IKBKB: variants seen among roughly 807,000 people sequenced by gnomAD.
IKBKB encodes inhibitor of nuclear factor kappa-B kinase subunit beta.
In IKBKB, 42 loss-of-function variants were observed where a neutral mutation model predicts 113.6. The observed-to-expected ratio is 0.37, with a 90% CI of 0.29 to 0.48. IKBKB has a LOEUF of 0.48. Among genes scored for constraint, IKBKB ranks in the 20% least tolerant of loss-of-function variants. The probability of loss-of-function intolerance (pLI) is 0.99; values close to 1 mark genes in which losing one functional copy is unlikely to be tolerated. For missense variants in IKBKB, 673 were observed against 939.7 expected, an observed-to-expected ratio of 0.72 and a Z score of 3.71; for synonymous variants, 296 against 361.3, an observed-to-expected ratio of 0.82 and a Z score of 2.05.
chr8:42,291,370 C>T (rs1258612067), intron 4 of IKBKB, among the ~76,000 whole-genome samples: 1 of 152,164 alleles, frequency 6.6e-6, no homozygotes, highest in Non-Finnish European at 1.5e-5. Context: ...TTAGTAGAGG[C>T]AGGGTTTCGC....
intron 2 of IKBKB, chr8:42,272,552 A>G: frequency 5.3e-6 from 2 of 376,796 alleles, no homozygotes. Flanking sequence ...GAGACTAAAT[A>G]AATAATTTAA....
intron 6 of IKBKB, among the ~76,000 whole-genome samples, chr8:42,306,041 A>C (rs1273976564): frequency 6.6e-6 from 1 of 152,218 alleles, no homozygotes; most frequent in African/African-American, 2.4e-5. Flanking sequence ...TCCTGTTTCA[A>C]GTCTGGGTTT....
chr8:42,294,980 G>A (rs930224074), intron 5 of IKBKB, among the ~76,000 whole-genome samples: 18 of 151,842 alleles, frequency 1.2e-4, no homozygotes, highest in African/African-American at 3.9e-4. Context: ...TGCTTTTCTT[G>A]GGTGATTTTT....
Position 42,303,120 on chromosome 8 carries a change from TGAGA to T in IKBKB, c.389-2053_389-2050del, listed in dbSNP as rs1021302959. ...GAGAGAGAGAGAGAGAGAGAGAGAA[TGAGA>T]GAGAGAGAGAGAGGAGAGAGAATGA... On this transcript the variant is annotated intron_variant, in intron 5 of 21. Coordinates refer to ENST00000520810, the MANE Select transcript of IKBKB (RefSeq NM_001556.3). Among the ~76,000 whole-genome samples the T allele has an allele frequency of 2.3e-3, 149 of 63,746 alleles. 1 individual carries two copies. The highest frequency in any genetic ancestry group is 3.8e-3 in the Non-Finnish European group (121 of 31,588). 41.8% of individuals were successfully genotyped at this position (63,746 alleles called of 152,430 possible). A position where few individuals can be genotyped will look rare whatever the true frequency, so the allele number is the denominator to read the frequency against.
At chr8:42,308,381 T>A (rs1217222266) in intron 7 of IKBKB, among the ~76,000 whole-genome samples, 3 of 149,102 alleles carry the variant, frequency 2.0e-5, no homozygotes, top group Non-Finnish European at 4.4e-5. Context: ...CACTGCAACC[T>A]CCACTTCCCA....
At chr8:42,274,802 G>T (rs866973255) in intron 2 of IKBKB, among the ~76,000 whole-genome samples, 1 of 23,832 alleles carries the variant, frequency 4.2e-5, no homozygotes, top group African/African-American at 7.8e-5. Context: ...CCCCCCCCCC[G>T]CCATCCCAGC....
chr8:42,271,917 A>G (rs1807839739), intron 1 of IKBKB, 166 bp from the exon 2 acceptor site: 2 of 757,642 alleles, frequency 2.6e-6, no homozygotes, highest in African/African-American at 1.8e-5. Context: ...GTTTGCCACA[A>G]AGTTTGGACC....
rs1205076117 is a variant in IKBKB, at chr8:42,306,366, A to G, written c.501A>G (p.Leu167=). The change falls in exon 7 of 22, where the codon CTA becomes CTG. Residue 167 remains leucine (L), a synonymous_variant. Coordinates refer to ENST00000520810, the MANE Select transcript of IKBKB (RefSeq NM_001556.3). ...EQRLIHKIID[L]GYAKELDQGS... ...AGTTAATACACAAAATTATTGACCT[A>G]GGATATGCCAAGGAGCTGGATCAGG... 6 of 1,612,038 alleles carry G rather than the reference A, an allele frequency of 3.7e-6. No individual in the cohort carries two copies. Among genetic ancestry groups the G allele is most frequent in the Non-Finnish European group, 5.1e-6 (6 of 1,178,258 alleles).
At chr8:42,297,874 A>C (rs1563324050) in intron 5 of IKBKB, among the ~76,000 whole-genome samples, 1 of 152,118 alleles carries the variant, frequency 6.6e-6, no homozygotes, top group African/African-American at 2.4e-5. Flanking sequence ...CAGCCTGGCA[A>C]CAAGAGCGAG....
chr8:42,310,152 C>A (rs541813401), intron 8 of IKBKB, among the ~76,000 whole-genome samples: 1 of 152,298 alleles, frequency 6.6e-6, no homozygotes, highest in East Asian at 1.9e-4. Context: ...TCCCCCAAAT[C>A]AGTTAGATTT....
chr8:42,326,958 C>T (rs1422481497), intron 20 of IKBKB, among the ~76,000 whole-genome samples: 1 of 152,094 alleles, frequency 6.6e-6, no homozygotes, highest in African/African-American at 2.4e-5. Context: ...TTACCTGGGG[C>T]AGGGGAGGAG....
chr8:42,323,906 G>T (rs887238880), intron 19 of IKBKB, among the ~76,000 whole-genome samples: 18 of 152,222 alleles, frequency 1.2e-4, no homozygotes, highest in African/African-American at 3.6e-4. Flanking sequence ...AGGTGAGAAG[G>T]CATGGCACCT....
chr8:42,272,282 C>G (rs1018122455), intron 2 of IKBKB, 77 bp downstream of exon 2: 1 of 1,597,486 alleles, frequency 6.3e-7, no homozygotes. Flanking sequence ...TCTGATCCTG[C>G]TGGGCCAAGG....
intron 2 of IKBKB, among the ~76,000 whole-genome samples, chr8:42,278,360 T>C (rs1216813757): frequency 6.6e-6 from 1 of 152,066 alleles, no homozygotes; most frequent in Non-Finnish European, 1.5e-5. Flanking sequence ...TTTGTTTTGA[T>C]GGAGGAGCAG....
intron 2 of IKBKB, among the ~76,000 whole-genome samples, chr8:42,274,962 T>C (rs1380183419): frequency 6.6e-6 from 1 of 151,924 alleles, no homozygotes; most frequent in Non-Finnish European, 1.5e-5. Context: ...CTGCAACTGG[T>C]GTCTCCCAGG....
intron 2 of IKBKB, among the ~76,000 whole-genome samples, chr8:42,285,388 TAAAATAAA>T (rs906444646): frequency 1.9e-5 from 2 of 102,932 alleles, no homozygotes; most frequent in African/African-American, 3.0e-4. Context: ...TCTACAAAAA[TAAAATAAA>T]AATAAAAAAA....
chr8:42,311,330 A>G (rs537000090), intron 8 of IKBKB, among the ~76,000 whole-genome samples: 1 of 152,342 alleles, frequency 6.6e-6, no homozygotes, highest in Admixed American at 6.5e-5. Context: ...TGGGAGGCCA[A>G]GATGGGCGGA....
intron 12 of IKBKB, among the ~76,000 whole-genome samples, chr8:42,318,197 G>T (rs563880840): frequency 6.6e-6 from 1 of 151,982 alleles, no homozygotes; most frequent in East Asian, 1.9e-4. Context: ...AGAGTTCAAG[G>T]CTGCAGTGAG....
In IKBKB at chr8:42,299,068, CA is replaced by C. The variant is rs576678378; in HGVS notation, c.388+5557del. Among the ~76,000 whole-genome samples, 481 of 152,312 alleles carry C rather than the reference CA, an allele frequency of 3.2e-3. 2 individuals carry two copies. The highest frequency in any genetic ancestry group is 5.3e-3 in the Non-Finnish European group (362 of 68,018). ...CCTGAACTCATCCTAAAGTCATATC[CA>C]TGTCTGCCAGGTCTTTCTTCCAAAG... On this transcript the variant is annotated intron_variant, in intron 5 of 21. Coordinates refer to ENST00000520810, the MANE Select transcript of IKBKB (RefSeq NM_001556.3).
Sources: allele counts gnomAD v4.1 joint callset (sites outside exome capture counted in the v4.1 genomes callset), GRCh38; gene constraint gnomAD v4.1.1; transcripts MANE v1.5; gene names NCBI Gene and HGNC (gene_info 2026-07-23, HGNC 2026-07-21).